Variants in PACS1 observed in about 807,000 individuals in gnomAD.
PACS1 encodes the protein phosphofurin acidic cluster sorting protein 1, also known as PACS-1.
Under a neutral mutation model 115.0 loss-of-function variants are expected in PACS1, and 24 were observed. The ratio of observed to expected loss-of-function variants is 0.21; its 90% CI spans 0.15 to 0.29. The LOEUF (loss-of-function observed/expected upper bound fraction) is 0.29. Among genes scored for constraint, PACS1 ranks in the 10% least tolerant of loss-of-function variants. PACS1 has a pLI of 1.00. For synonymous variants in PACS1, 453 were observed against 504.5 expected (o/e 0.90, Z 1.37); for missense variants, 838 against 1,251.2 (o/e 0.67, Z 4.98).
chr11:66,132,591 A>G (rs1858728820), intron 1 of PACS1, among the ~76,000 whole-genome samples: 1 of 152,142 alleles, frequency 6.6e-6, no homozygotes, highest in South Asian at 2.1e-4. Context: ...TGTATTATTT[A>G]GGGAATAAAC....
At chr11:66,132,912 C>T (rs920086226) in intron 1 of PACS1, among the ~76,000 whole-genome samples, 1 of 152,184 alleles carries the variant, frequency 6.6e-6, no homozygotes, top group African/African-American at 2.4e-5. Context: ...AAGTGATCTC[C>T]CTGCCTTGGC....
chr11:66,114,777 A>G (rs1858266918), intron 1 of PACS1, among the ~76,000 whole-genome samples: 1 of 152,194 alleles, frequency 6.6e-6, no homozygotes, highest in Admixed American at 6.5e-5. Context: ...GTGACTGCGG[A>G]CTTCATTAGC....
chr11:66,216,517 C>T lies in PACS1; in HGVS notation c.806-3C>T, dbSNP rs750283770. On this transcript the variant is annotated splice_polypyrimidine_tract_variant and splice_region_variant and intron_variant, in intron 5 of 23. Coordinates refer to ENST00000320580, the MANE Select transcript of PACS1 (RefSeq NM_018026.4). ...GGTTATCTTACTCAGGTGTCTGTTG[C>T]AGATCGTTCTCCTGATATTGACAAT... is the stretch of plus-strand genomic sequence containing the variant. 4 of 1,611,230 alleles carry T rather than the reference C, an allele frequency of 2.5e-6. No individual in the cohort carries two copies. The highest frequency in any genetic ancestry group is 3.3e-5 in the Admixed American group (2 of 60,028).
chr11:66,100,878 C>T (rs1032575083), intron 1 of PACS1: 30 of 456,266 alleles, frequency 6.6e-5, no homozygotes, highest in African/African-American at 4.0e-4. Flanking sequence ...CCTCACGGTA[C>T]GGTGGCTGGG....
At chr11:66,232,676 C>T (rs571607782) in intron 14 of PACS1, among the ~76,000 whole-genome samples, 2 of 152,134 alleles carry the variant, frequency 1.3e-5, no homozygotes, top group South Asian at 2.1e-4. Context: ...GCTCCCTCAC[C>T]GCTGTCCACC....
At position 66,235,639 on chromosome 11, in the gene PACS1, G is replaced by C. The variant is rs1474408243; in HGVS notation, c.2207+236G>C. The C allele has an allele frequency of 9.9e-6, 6 of 604,292 alleles. No homozygotes were observed. Among genetic ancestry groups the C allele is most frequent in the Non-Finnish European group, 1.5e-5 (5 of 337,970 alleles). The allele number at this position is 604,292 out of a possible 1,614,324, so 37.4% of individuals were successfully genotyped here. A position where few individuals can be genotyped will look rare whatever the true frequency, so the allele number is the denominator to read the frequency against. On this transcript the variant is annotated intron_variant, in intron 18 of 23. Coordinates refer to ENST00000320580, the MANE Select transcript of PACS1 (RefSeq NM_018026.4). This position sits in a 1 kb window ranked among gnomAD's most constrained non-coding sequence, Gnocchi z 5.6. ...CTTTCCTGCCCTTCAGTATAAAGCA[G>C]CCCATCCTCATAGCTGGAACTCAGA...
At chr11:66,149,535 C>T (rs1007185179) in intron 1 of PACS1, among the ~76,000 whole-genome samples, 4 of 152,008 alleles carry the variant, frequency 2.6e-5, no homozygotes, top group Non-Finnish European at 5.9e-5. Flanking sequence ...CAAACTATTA[C>T]TTTAAAAACA....
intron 2 of PACS1, among the ~76,000 whole-genome samples, chr11:66,206,022 C>A (rs556967664): frequency 2.0e-5 from 3 of 152,224 alleles, no homozygotes; most frequent in African/African-American, 7.2e-5. Context: ...TTGGCACATG[C>A]CTGTAGTGCC....
intron 1 of PACS1, among the ~76,000 whole-genome samples, chr11:66,149,988 A>G (rs1401303581): frequency 2.0e-5 from 3 of 152,002 alleles, no homozygotes; most frequent in South Asian, 2.1e-4. Flanking sequence ...ACCTCAGGCG[A>G]TCCACCCGTC....
intron 1 of PACS1, among the ~76,000 whole-genome samples, chr11:66,137,456 G>A (rs2134588245): frequency 6.6e-6 from 1 of 152,280 alleles, no homozygotes; most frequent in South Asian, 2.1e-4. Context: ...TTTATTCCTA[G>A]AGTGTTTCAT....
In PACS1 at chr11:66,070,349, G is replaced by A. The variant is rs1415929143; in HGVS notation, c.-138G>A. On this transcript the variant is annotated 5_prime_UTR_variant, in exon 1 of 24. Transcript: ENST00000320580. The surrounding 1 kb of genome is among the most constrained non-coding windows in gnomAD (Gnocchi z 5.9). Reference sequence around the variant, plus strand: ...CCGCGCGCCCAGAGGCCCCGCGCGTGCGTGCAGCTCGCTGGCTGCTCGCGC... The same window carrying A: ...CCGCGCGCCCAGAGGCCCCGCGCGTACGTGCAGCTCGCTGGCTGCTCGCGC... The A allele has an allele frequency of 2.8e-6, 1 of 363,348 alleles. No individual in the cohort carries two copies. The highest frequency in any genetic ancestry group is 4.3e-6 in the Non-Finnish European group (1 of 230,466). The allele number at this position is 363,348 out of a possible 1,614,324, so 22.5% of individuals were successfully genotyped here. A position where few individuals can be genotyped will look rare whatever the true frequency, so the allele number is the denominator to read the frequency against.
At chr11:66,188,929 T>C (rs569667657) in intron 1 of PACS1, among the ~76,000 whole-genome samples, 2 of 152,354 alleles carry the variant, frequency 1.3e-5, no homozygotes, top group East Asian at 3.9e-4. Context: ...AATAAAATGC[T>C]TTATACCAAC....
chr11:66,095,697 A>T (rs1284930907), intron 1 of PACS1, among the ~76,000 whole-genome samples: 1 of 152,206 alleles, frequency 6.6e-6, no homozygotes, highest in Non-Finnish European at 1.5e-5. Context: ...ACCTCAAGTG[A>T]TCCACCCGCC....
At chr11:66,130,601 A>G (rs1858677061) in intron 1 of PACS1, among the ~76,000 whole-genome samples, 1 of 152,196 alleles carries the variant, frequency 6.6e-6, no homozygotes, top group African/African-American at 2.4e-5. Flanking sequence ...ATAGTATTAC[A>G]TGATAATTCT....
intron 1 of PACS1, among the ~76,000 whole-genome samples, chr11:66,071,463 G>T (rs1343038495): frequency 6.6e-6 from 1 of 152,146 alleles, no homozygotes; most frequent in Non-Finnish European, 1.5e-5. Context: ...TCCCAGCTCT[G>T]CAGGGCTGTA....
At chr11:66,169,880 T>G (rs1297449980) in intron 1 of PACS1, among the ~76,000 whole-genome samples, 1 of 150,402 alleles carries the variant, frequency 6.6e-6, no homozygotes, top group Non-Finnish European at 1.5e-5. Context: ...TCTGGAAGAA[T>G]GTATATAAGA....
At position 66,235,249 on chromosome 11, in the gene PACS1, G is replaced by T. The variant is rs1043827081; in HGVS notation, c.2105-52G>T. The stretch of plus-strand genomic sequence containing the variant: ...GATCCCTCTCCGAGAGGGTCTGCAG[G>T]TTTGCCAGCTGAAGTCAGTAGGCAG... On this transcript the variant is annotated intron_variant, in intron 17 of 23. Transcript: ENST00000320580. The surrounding 1 kb of genome is among the most constrained non-coding windows in gnomAD (Gnocchi z 5.6). The T allele has an allele frequency of 1.8e-5, 25 of 1,389,460 alleles. No homozygotes were observed. In the African/African-American group the frequency reaches 3.1e-4, roughly 17 times the overall value. The allele number at this position is 1,389,460 out of a possible 1,614,324, so 86.1% of individuals were successfully genotyped here.
At chr11:66,182,752 A>G (rs972240494) in intron 1 of PACS1, among the ~76,000 whole-genome samples, 3 of 152,030 alleles carry the variant, frequency 2.0e-5, no homozygotes, top group Non-Finnish European at 4.4e-5. Context: ...CAGCCCTCCA[A>G]AGTTCTGGGA....
At chr11:66,160,127 G>C (rs985052343) in intron 1 of PACS1, among the ~76,000 whole-genome samples, 1 of 152,164 alleles carries the variant, frequency 6.6e-6, no homozygotes, top group African/African-American at 2.4e-5. Flanking sequence ...CATGGTCTCT[G>C]TTCTTCAACA....
Sources: allele counts gnomAD v4.1 joint callset (sites outside exome capture counted in the v4.1 genomes callset), GRCh38; gene constraint gnomAD v4.1.1; non-coding constraint Gnocchi (gnomAD v3.1); transcripts MANE v1.5; gene names NCBI Gene and HGNC (gene_info 2026-07-23, HGNC 2026-07-21).